The following SPAG5 variants were observed in gnomAD, a reference collection of about 807,000 sequenced individuals.
SPAG5 encodes the protein sperm associated antigen 5.
SPAG5 carries 99 observed loss-of-function variants against 145.4 expected under a neutral mutation model. That is an observed-to-expected ratio of 0.68 (90% CI 0.58 to 0.80). The LOEUF (loss-of-function observed/expected upper bound fraction) is 0.80, where lower values mean the gene tolerates loss of function less well. Ranked by LOEUF, SPAG5 falls within the 30% of genes least tolerant of loss-of-function variation. SPAG5 has a pLI of 0.00. For synonymous variants in SPAG5, 477 were observed against 525.4 expected (o/e 0.91, Z 1.26); for missense variants, 1,192 against 1,416.0 (o/e 0.84, Z 2.54).
chr17:28,590,305 C>T (rs2151522124), intron 4 of SPAG5, among the ~76,000 whole-genome samples: 1 of 152,158 alleles, frequency 6.6e-6, no homozygotes, highest in East Asian at 1.9e-4. Context: ...TCTCAGTTCA[C>T]TGCAGCCTTG....
intron 15 of SPAG5, 45 bp from the exon 16 acceptor site, chr17:28,580,165 ACTC>A (rs775755196): frequency 3.0e-6 from 4 of 1,347,278 alleles, no homozygotes; most frequent in African/African-American, 1.5e-5. Flanking sequence ...GGTCTAGTGA[ACTC>A]CTGGGCTTCC....
Position 28,592,525 on chromosome 17 carries a change from A to C in SPAG5, c.719T>G (p.Phe240Cys). The change falls in exon 3 of 24, where the codon TTC becomes TGC. Residue 240 changes from phenylalanine to cysteine, a missense_variant. Phe to Cys is a radical substitution (Grantham distance 205, BLOSUM62 -2). Transcript: ENST00000321765. Reference protein sequence around the residue: ...EDLVPSESNAFLPSSVLWLSP... With the variant: ...EDLVPSESNACLPSSVLWLSP... ...AAGCCAGAGAACAGAGGAAGGCAAG[A>C]AGGCGTTACTTTCAGAAGGTACTAA... 1.2e-6 allele frequency: 2 copies of C among 1,614,210 alleles called. No individual in the cohort carries two copies. Among genetic ancestry groups the C allele is most frequent in the Non-Finnish European group, 8.5e-7 (1 of 1,180,038 alleles).
intron 4 of SPAG5, 88 bp downstream of exon 4, chr17:28,591,610 G>A (rs981624154): frequency 8.3e-7 from 1 of 1,199,960 alleles, no homozygotes. Flanking sequence ...CCTGTGATAG[G>A]AGTCCCCTTT....
chr17:28,593,071 C>CA lies in SPAG5; in HGVS notation c.178-6dup, dbSNP rs773407971. 1.2e-6 allele frequency: 2 copies of CA among 1,610,906 alleles called. No individual in the cohort carries two copies. Among genetic ancestry groups the CA allele is most frequent in the African/African-American group, 2.7e-5 (2 of 74,906 alleles). On this transcript the variant is annotated splice_region_variant and splice_polypyrimidine_tract_variant and intron_variant, in intron 2 of 23. Coordinates refer to ENST00000321765, the MANE Select transcript of SPAG5 (RefSeq NM_006461.4). ...AGATGAGTTGTTGCTGCCTTCCTGC[C>CA]AAAGGAAACAAAAGTAGTTGTCTAA... is the stretch of plus-strand genomic sequence containing the variant.
In SPAG5 at chr17:28,584,145, C is replaced by T. The variant is rs147481224; in HGVS notation, c.2412+5G>A. 11 of 1,613,862 alleles carry T rather than the reference C, an allele frequency of 6.8e-6. No homozygotes were observed. Among genetic ancestry groups the T allele is most frequent in the Non-Finnish European group, 7.6e-6 (9 of 1,179,968 alleles). On this transcript the variant is annotated splice_donor_5th_base_variant and intron_variant, in intron 13 of 23. Coordinates refer to ENST00000321765, the MANE Select transcript of SPAG5 (RefSeq NM_006461.4). ...AGCTCCCTTGGCCCAAGCCATATTCCTTACCTCCAAGGTCTCTTTCAGGTC... is the reference window on the plus strand; with the variant it reads ...AGCTCCCTTGGCCCAAGCCATATTCTTTACCTCCAAGGTCTCTTTCAGGTC...
At chr17:28,583,005 T>C (rs1010911688) in intron 15 of SPAG5, among the ~76,000 whole-genome samples, 88 of 152,132 alleles carry the variant, frequency 5.8e-4, no homozygotes, top group Admixed American at 2.1e-3. Flanking sequence ...CTCACCCAGT[T>C]TGGAGTGCAG....
At chr17:28,591,677 C>G in intron 4 of SPAG5, 21 bp downstream of exon 4, 1 of 1,586,126 alleles carries the variant, frequency 6.3e-7, no homozygotes, top group African/African-American at 1.4e-5. Context: ...ATCCCTCAAG[C>G]TTTGAGAGGA....
intron 15 of SPAG5, among the ~76,000 whole-genome samples, chr17:28,581,182 T>TTTCAA (rs1203859429): frequency 6.6e-6 from 1 of 152,192 alleles, no homozygotes; most frequent in Non-Finnish European, 1.5e-5. Flanking sequence ...TGGCTGCTCT[T>TTTCAA]GAACTACAAA....
chr17:28,597,044 G>A (rs926395145), intron 2 of SPAG5, among the ~76,000 whole-genome samples: 47 of 152,012 alleles, frequency 3.1e-4, no homozygotes, highest in Non-Finnish European at 2.2e-4. Context: ...CCGAGATCGC[G>A]CCATTGGACT....
chr17:28,595,574 C>T (rs1477635836), intron 2 of SPAG5, among the ~76,000 whole-genome samples: 1 of 151,754 alleles, frequency 6.6e-6, no homozygotes, highest in Non-Finnish European at 1.5e-5. Context: ...GTGGTGAAAC[C>T]CCGCCTCTAC....
At position 28,592,739 on chromosome 17, in the gene SPAG5, G is replaced by C. The variant is rs933138206; in HGVS notation, c.505C>G (p.Leu169Val). ...SLNGPLRTDD[L>V]VREEVAPCMG... ...CAGGGTGCCACCTCCTCTCTCACCAGATCGTCTGTTCTCAAAGGTCCATTT... is the reference window on the plus strand; with the variant it reads ...CAGGGTGCCACCTCCTCTCTCACCACATCGTCTGTTCTCAAAGGTCCATTT... Residue 169 changes from leucine (L) to valine (V), a missense_variant, in exon 3 of 24, where the codon CTG becomes GTG. Coordinates refer to ENST00000321765, the MANE Select transcript of SPAG5 (RefSeq NM_006461.4). 1.2e-6 allele frequency: 2 copies of C among 1,614,092 alleles called. No individual in the cohort carries two copies. Among genetic ancestry groups the C allele is most frequent in the Non-Finnish European group, 1.7e-6 (2 of 1,180,040 alleles).
chr17:28,598,155 T>A (rs550299358), intron 2 of SPAG5, among the ~76,000 whole-genome samples: 1 of 152,310 alleles, frequency 6.6e-6, no homozygotes, highest in East Asian at 1.9e-4. Flanking sequence ...AACTACCTCC[T>A]AGAGTAAATG....
chr17:28,579,604 A>G, intron 17 of SPAG5, 119 bp from the exon 18 acceptor site: 3 of 1,407,878 alleles, frequency 2.1e-6, no homozygotes, highest in East Asian at 2.3e-5. Context: ...GAATGTCTGG[A>G]ACATTACAGA....
Position 28,598,894 on chromosome 17 carries a change from A to G in SPAG5, c.51+2T>C. Reference sequence around the variant, plus strand: ...TCTCTCCGCCAGAGATCTCCCGCTTACCGTCTGGGGCGAAGGCGACAGGCT... The same window carrying G: ...TCTCTCCGCCAGAGATCTCCCGCTTGCCGTCTGGGGCGAAGGCGACAGGCT... On this transcript the variant is annotated splice_donor_variant, in intron 1 of 23. Coordinates refer to ENST00000321765, the MANE Select transcript of SPAG5 (RefSeq NM_006461.4). LOFTEE classifies it high-confidence loss of function. 6.2e-7 allele frequency: 1 copy of G among 1,613,704 alleles called. No individual in the cohort carries two copies. Among genetic ancestry groups the G allele is most frequent in the Non-Finnish European group, 8.5e-7 (1 of 1,179,822 alleles).
chr17:28,581,471 TCCGCGTA>T (rs1170903166), intron 15 of SPAG5, among the ~76,000 whole-genome samples: 2 of 150,982 alleles, frequency 1.3e-5, no homozygotes, highest in African/African-American at 4.9e-5. Flanking sequence ...TTTGCTCCTT[TCCGCGTA>T]CTTGAAACCC....
chr17:28,579,210 A>C lies in SPAG5; in HGVS notation c.3048T>G (p.His1016Gln). 6.2e-7 allele frequency: 1 copy of C among 1,614,176 alleles called. No individual in the cohort carries two copies. The highest frequency in any genetic ancestry group is 8.5e-7 in the Non-Finnish European group (1 of 1,180,040). Residue 1016 changes from histidine (H) to glutamine (Q), a missense_variant, in exon 19 of 24, where the codon CAT (histidine) becomes CAG (glutamine). Coordinates refer to ENST00000321765, the MANE Select transcript of SPAG5 (RefSeq NM_006461.4). The stretch of plus-strand genomic sequence containing the variant: ...CTTCTTTTGCCTTCTGGACTTCCTG[A>C]TGCTGTTCTTCCTGGGCCTGCAGCC... ...QARLQAQEEQ[H>Q]QEVQKAKEAD...
At chr17:28,594,937 G>T (rs896361934) in intron 2 of SPAG5, among the ~76,000 whole-genome samples, 4 of 151,534 alleles carry the variant, frequency 2.6e-5, no homozygotes, top group African/African-American at 9.7e-5. Flanking sequence ...TCTAGCCTGG[G>T]TAACAGAGCA....
At chr17:28,586,783 G>A (rs1023601335) in intron 4 of SPAG5, among the ~76,000 whole-genome samples, 10 of 151,822 alleles carry the variant, frequency 6.6e-5, no homozygotes, top group African/African-American at 9.7e-5. Context: ...CCACCGACTC[G>A]GCCTCCCAAA....
intron 2 of SPAG5, among the ~76,000 whole-genome samples, chr17:28,595,983 G>A (rs1377739187): frequency 6.6e-6 from 1 of 152,006 alleles, no homozygotes; most frequent in Non-Finnish European, 1.5e-5. Flanking sequence ...GGAGGCGGAG[G>A]TTGCAGTGAC....
Sources: allele counts gnomAD v4.1 joint callset (sites outside exome capture counted in the v4.1 genomes callset), GRCh38; gene constraint gnomAD v4.1.1; transcripts MANE v1.5; gene names NCBI Gene and HGNC (gene_info 2026-07-23, HGNC 2026-07-21).